GTF2F2: variants seen among roughly 807,000 people sequenced by gnomAD.
The protein encoded by GTF2F2 is general transcription factor IIF subunit 2.
Under a neutral mutation model 42.2 loss-of-function variants are expected in GTF2F2, and 23 were observed. The ratio of observed to expected loss-of-function variants is 0.55; its 90% CI spans 0.39 to 0.77. The LOEUF (loss-of-function observed/expected upper bound fraction) is 0.77. Among genes scored for constraint, GTF2F2 ranks in the 30% least tolerant of loss-of-function variants. GTF2F2 has a pLI of 0.00. For synonymous variants in GTF2F2, 105 were observed against 100.8 expected (o/e 1.04, Z -0.25); for missense variants, 261 against 287.2 (o/e 0.91, Z 0.66).
chr13:45,183,934 C>T (rs1292108406), intron 4 of GTF2F2, among the ~76,000 whole-genome samples: 1 of 152,002 alleles, frequency 6.6e-6, no homozygotes, highest in Non-Finnish European at 1.5e-5. Context: ...TGGCTCACAG[C>T]AACCTCTTCC....
intron 5 of GTF2F2, among the ~76,000 whole-genome samples, chr13:45,231,726 C>A (rs1476023191): frequency 6.6e-6 from 1 of 152,034 alleles, no homozygotes; most frequent in Non-Finnish European, 1.5e-5. Flanking sequence ...AAGAAAACTT[C>A]TTAATTTTCA....
rs1367351582 is a variant in GTF2F2, at chr13:45,267,283, TAAAC to T, written c.540_543del (p.Lys180AsnfsTer4). The T allele has an allele frequency of 6.2e-7, 1 of 1,611,886 alleles. No homozygotes were observed. Among genetic ancestry groups the T allele is most frequent in the African/African-American group, 1.3e-5 (1 of 74,892 alleles). ...AAGACGGAAAGCGAGCTCGAGCTGATAAACAACATGTTTTAGACATGCTATTTTC... is the reference window on the plus strand; with the variant it reads ...AAGACGGAAAGCGAGCTCGAGCTGATAACATGTTTTAGACATGCTATTTTC... On this transcript the variant is annotated frameshift_variant, in exon 7 of 8. Transcript: ENST00000340473. LOFTEE classifies it high-confidence loss of function.
chr13:45,210,120 A>G (rs1441497391), intron 5 of GTF2F2, among the ~76,000 whole-genome samples: 2 of 152,168 alleles, frequency 1.3e-5, no homozygotes. Flanking sequence ...AGATCATGCC[A>G]TTCGTCTTTT....
At chr13:45,180,022 A>G (rs745447211) in intron 4 of GTF2F2, among the ~76,000 whole-genome samples, 15 of 152,252 alleles carry the variant, frequency 9.9e-5, no homozygotes, top group Admixed American at 3.3e-4. Flanking sequence ...TAAAAACTCC[A>G]TGTTTTTCAC....
chr13:45,210,702 T>C lies in GTF2F2; in HGVS notation c.386+3197T>C, dbSNP rs558900177. 1.4e-4 allele frequency among the ~76,000 whole-genome samples: 21 copies of C among 152,294 alleles called. 1 individual carries two copies. Among genetic ancestry groups the C allele is most frequent in the African/African-American group, 4.6e-4 (19 of 41,558 alleles). ...CCACATAGTAGCTAGTCAGTAAATA[T>C]TTGGTGAGTGAATGAATGGCACAAG... On this transcript the variant is annotated intron_variant, in intron 5 of 7. Transcript: ENST00000340473.
chr13:45,149,489 T>C (rs1227312773), intron 2 of GTF2F2, among the ~76,000 whole-genome samples: 1 of 148,294 alleles, frequency 6.7e-6, no homozygotes, highest in Non-Finnish European at 1.5e-5. Context: ...AGAATTGTAA[T>C]AAGATCATTA....
At chr13:45,218,487 C>G (rs1873978738) in intron 5 of GTF2F2, among the ~76,000 whole-genome samples, 1 of 152,198 alleles carries the variant, frequency 6.6e-6, no homozygotes, top group African/African-American at 2.4e-5. Context: ...CCCTTTAACA[C>G]AACGTCATTG....
chr13:45,273,905 C>A (rs1183199371), intron 7 of GTF2F2, among the ~76,000 whole-genome samples: 1 of 152,092 alleles, frequency 6.6e-6, no homozygotes, highest in Non-Finnish European at 1.5e-5. Context: ...TTGGGCTTGC[C>A]ATCTCTATGG....
At chr13:45,215,989 C>T (rs1179423220) in intron 5 of GTF2F2, among the ~76,000 whole-genome samples, 1 of 152,020 alleles carries the variant, frequency 6.6e-6, no homozygotes. Context: ...CAGTGGCTCA[C>T]ACTTGTAATC....
At chr13:45,280,182 A>T (rs1025424714) in intron 7 of GTF2F2, among the ~76,000 whole-genome samples, 1 of 152,208 alleles carries the variant, frequency 6.6e-6, no homozygotes, top group African/African-American at 2.4e-5. Context: ...AGATGCAGAA[A>T]TGGGAAGCAT....
intron 6 of GTF2F2, among the ~76,000 whole-genome samples, chr13:45,259,646 ACTT>A (rs1876248290): frequency 7.8e-6 from 1 of 127,860 alleles, no homozygotes; most frequent in African/African-American, 3.0e-5. Flanking sequence ...CAAACCTAGA[ACTT>A]TTTTTTTTTT....
chr13:45,194,385 A>AC, intron 4 of GTF2F2: 1 of 1,614,106 alleles, frequency 6.2e-7, no homozygotes, highest in Non-Finnish European at 8.5e-7. Context: ...CATTTACTAT[A>AC]CCTTCAAGGA....
At chr13:45,180,463 A>G (rs565336810) in intron 4 of GTF2F2, among the ~76,000 whole-genome samples, 2 of 152,284 alleles carry the variant, frequency 1.3e-5, no homozygotes, top group African/African-American at 2.4e-5. Flanking sequence ...TATGTGTAAT[A>G]TATCTTCCTC....
At chr13:45,203,406 C>T (rs1428955904) in intron 4 of GTF2F2, among the ~76,000 whole-genome samples, 2 of 151,950 alleles carry the variant, frequency 1.3e-5, no homozygotes, top group Admixed American at 6.6e-5. Flanking sequence ...TTTAGATTTT[C>T]GATTTTGGTT....
intron 4 of GTF2F2, among the ~76,000 whole-genome samples, chr13:45,159,683 A>G (rs1384590064): frequency 4.6e-5 from 7 of 152,188 alleles, no homozygotes; most frequent in Admixed American, 3.9e-4. Context: ...CATGTTGCCT[A>G]GGCTGTTCTC....
chr13:45,242,621 C>A (rs1469784285), intron 5 of GTF2F2, among the ~76,000 whole-genome samples: 5 of 152,028 alleles, frequency 3.3e-5, no homozygotes, highest in Non-Finnish European at 7.4e-5. Context: ...CCATTGATAA[C>A]AAGATTAGCA....
chr13:45,128,062 G>A (rs1293238060), intron 1 of GTF2F2, among the ~76,000 whole-genome samples: 4 of 139,826 alleles, frequency 2.9e-5, no homozygotes, highest in Non-Finnish European at 3.0e-5. Context: ...CCGGATTCAC[G>A]CCATTCTTCT....
intron 1 of GTF2F2, among the ~76,000 whole-genome samples, chr13:45,134,032 G>A (rs1473218760): frequency 1.3e-5 from 2 of 152,184 alleles, no homozygotes; most frequent in Admixed American, 1.3e-4. Flanking sequence ...AGATTATGAA[G>A]GGGATACTGT....
intron 4 of GTF2F2, among the ~76,000 whole-genome samples, chr13:45,165,439 A>G (rs543379258): frequency 6.6e-5 from 10 of 151,592 alleles, no homozygotes; most frequent in African/African-American, 2.2e-4. Context: ...AGATTCATAT[A>G]CAGTAAAGAG....
Sources: gnomAD v4.1 joint callset for allele counts (sites outside exome capture counted in the v4.1 genomes callset) on GRCh38, gnomAD v4.1.1 for gene constraint, MANE v1.5 for transcripts, NCBI Gene and HGNC (gene_info 2026-07-23, HGNC 2026-07-21) for gene names.